CTNNA2: variants seen among roughly 807,000 people sequenced by gnomAD.
The protein encoded by CTNNA2 is catenin alpha 2, also known as catenin alpha-2.
CTNNA2 carries 42 observed loss-of-function variants against 101.0 expected under a neutral mutation model. That is an observed-to-expected ratio of 0.42 (90% CI 0.32 to 0.54). The LOEUF (loss-of-function observed/expected upper bound fraction) is 0.54, where lower values mean the gene tolerates loss of function less well. Ranked by LOEUF, CTNNA2 falls within the 20% of genes least tolerant of loss-of-function variation. The pLI is 0.14. For missense variants in CTNNA2, 871 were observed against 1,223.1 expected (o/e 0.71, Z 4.29); for synonymous variants, 450 against 456.4 (o/e 0.99, Z 0.18).
Position 80,245,794 on chromosome 2 carries a change from C to CTTTT in CTNNA2, c.1057-147391_1057-147388dup, listed in dbSNP as rs34625586. Among the ~76,000 whole-genome samples, 16 of 58,914 alleles carry CTTTT rather than the reference C, an allele frequency of 2.7e-4. 1 individual carries two copies. The highest frequency in any genetic ancestry group is 5.7e-4 in the African/African-American group (7 of 12,254). The allele number at this position is 58,914 out of a possible 152,430, so 38.6% of individuals were successfully genotyped here. On this transcript the variant is annotated intron_variant, in intron 7 of 18. Coordinates refer to ENST00000402739, the MANE Select transcript of CTNNA2 (RefSeq NM_001282597.3). ...ATTTAAAACTGTGATTATGATTTAA[C>CTTTT]TTTTTTTTTTTTTTTTTTTTTTTTT...
intron 3 of CTNNA2, among the ~76,000 whole-genome samples, chr2:79,352,923 T>C (rs1264157517): frequency 7.2e-5 from 11 of 152,058 alleles, no homozygotes; most frequent in Admixed American, 6.6e-4. Context: ...GGGGAAGCAG[T>C]CCTATATTCA....
intron 2 of CTNNA2, among the ~76,000 whole-genome samples, chr2:79,741,024 A>G (rs1671252230): frequency 6.6e-6 from 1 of 152,166 alleles, no homozygotes; most frequent in African/African-American, 2.4e-5. Context: ...GAAAATGTGC[A>G]GTAGTGTGGA....
At chr2:79,296,476 T>C (rs990697249) in intron 2 of CTNNA2, among the ~76,000 whole-genome samples, 6 of 152,170 alleles carry the variant, frequency 3.9e-5, no homozygotes, top group African/African-American at 1.2e-4. Context: ...CATACCTACT[T>C]TTTTCTCATT....
chr2:79,631,934 A>G (rs1241189820), intron 1 of CTNNA2, among the ~76,000 whole-genome samples: 1 of 152,188 alleles, frequency 6.6e-6, no homozygotes, highest in Non-Finnish European at 1.5e-5. Flanking sequence ...CTCTGAGGAT[A>G]TATTTGTTTT....
intron 7 of CTNNA2, among the ~76,000 whole-genome samples, chr2:80,152,492 A>G (rs1703769117): frequency 6.6e-6 from 1 of 152,134 alleles, no homozygotes; most frequent in Admixed American, 6.5e-5. Flanking sequence ...AAGCTGTAGG[A>G]TTCCATAAAT....
intron 2 of CTNNA2, among the ~76,000 whole-genome samples, chr2:79,307,187 C>G (rs934833740): frequency 1.3e-5 from 2 of 152,104 alleles, no homozygotes; most frequent in African/African-American, 4.8e-5. Flanking sequence ...GGGATCAGAT[C>G]AGGGTAATGA....
chr2:80,499,972 C>A (rs1687753355), intron 9 of CTNNA2, among the ~76,000 whole-genome samples: 1 of 150,536 alleles, frequency 6.6e-6, no homozygotes. Flanking sequence ...AGGAATTCAG[C>A]TTTAGATTGT....
chr2:79,991,782 T>C (rs924276023), intron 7 of CTNNA2, among the ~76,000 whole-genome samples: 2 of 152,090 alleles, frequency 1.3e-5, no homozygotes, highest in African/African-American at 4.8e-5. Context: ...AGCCTCCCGT[T>C]TGTTGGAAAA....
At chr2:80,204,504 T>C (rs1707409158) in intron 7 of CTNNA2, among the ~76,000 whole-genome samples, 1 of 152,190 alleles carries the variant, frequency 6.6e-6, no homozygotes, top group South Asian at 2.1e-4. Flanking sequence ...ACATAACAAG[T>C]GTCACCTTTG....
chr2:80,112,530 T>G (rs961709007), intron 7 of CTNNA2, among the ~76,000 whole-genome samples: 8 of 152,312 alleles, frequency 5.3e-5, no homozygotes, highest in Admixed American at 5.2e-4. Context: ...AATTATTATT[T>G]TATATCTTCT....
At chr2:79,399,234 A>G (rs1428314828) in intron 4 of CTNNA2, among the ~76,000 whole-genome samples, 27 of 152,218 alleles carry the variant, frequency 1.8e-4, no homozygotes, top group Admixed American at 1.6e-3. Context: ...TTTTTAAAGC[A>G]CTGAAAAGTG....
chr2:79,782,183 A>G (rs1179454791), intron 3 of CTNNA2, among the ~76,000 whole-genome samples: 1 of 152,134 alleles, frequency 6.6e-6, no homozygotes, highest in Non-Finnish European at 1.5e-5. Context: ...TTAATAAGCA[A>G]ACTTTGGAAG....
intron 3 of CTNNA2, among the ~76,000 whole-genome samples, chr2:79,330,406 C>T (rs1347298652): frequency 6.6e-6 from 1 of 152,152 alleles, no homozygotes; most frequent in African/African-American, 2.4e-5. Context: ...GTATAACTGT[C>T]AGTCCTGAGT....
chr2:80,040,970 T>A (rs1696011939), intron 7 of CTNNA2, among the ~76,000 whole-genome samples: 1 of 152,158 alleles, frequency 6.6e-6, no homozygotes, highest in African/African-American at 2.4e-5. Context: ...TAGAGTGAAT[T>A]ACAGTCAATC....
intron 1 of CTNNA2, among the ~76,000 whole-genome samples, chr2:79,191,662 G>A (rs549264329): frequency 6.6e-6 from 1 of 152,276 alleles, no homozygotes; most frequent in East Asian, 1.9e-4. Flanking sequence ...GCCTCTGGTA[G>A]AGACCGAAAG....
chr2:80,010,368 G>A (rs1034868647), intron 7 of CTNNA2, among the ~76,000 whole-genome samples: 1 of 152,120 alleles, frequency 6.6e-6, no homozygotes, highest in Non-Finnish European at 1.5e-5. Context: ...TGCCCAGGCT[G>A]GAGTACAGTG....
chr2:80,541,775 A>G (rs949098692), intron 9 of CTNNA2, among the ~76,000 whole-genome samples: 11 of 151,706 alleles, frequency 7.3e-5, no homozygotes, highest in African/African-American at 2.2e-4. Flanking sequence ...CTCAACTCCA[A>G]ACCACACTCA....
chr2:79,378,763 A>G (rs1481011689), intron 4 of CTNNA2, among the ~76,000 whole-genome samples: 1 of 152,174 alleles, frequency 6.6e-6, no homozygotes, highest in Non-Finnish European at 1.5e-5. Context: ...AATGGAAAAA[A>G]AATCCTTTTG....
intron 7 of CTNNA2, among the ~76,000 whole-genome samples, chr2:80,292,986 A>C (rs1675398529): frequency 6.6e-6 from 1 of 152,208 alleles, no homozygotes; most frequent in Non-Finnish European, 1.5e-5. Context: ...AATGGCCTGG[A>C]CAGCAAAGCA....
Sources: gnomAD v4.1 joint callset for allele counts (sites outside exome capture counted in the v4.1 genomes callset) on GRCh38, gnomAD v4.1.1 for gene constraint, MANE v1.5 for transcripts, NCBI Gene and HGNC (gene_info 2026-07-23, HGNC 2026-07-21) for gene names.